CHN2: variants seen among roughly 807,000 people sequenced by gnomAD.
CHN2 encodes the protein beta-chimaerin.
CHN2 carries 35 observed loss-of-function variants against 56.3 expected under a neutral mutation model. The observed-to-expected ratio is 0.62, with a 90% CI of 0.47 to 0.82. CHN2 has a LOEUF of 0.82. Among genes scored for constraint, CHN2 ranks in the 40% least tolerant of loss-of-function variants. The pLI, the probability that CHN2 is intolerant of heterozygous loss-of-function variation, is 0.00. For missense variants in CHN2, 491 were observed against 580.5 expected (o/e 0.85, Z 1.58); for synonymous variants, 210 against 212.8 (o/e 0.99, Z 0.12).
intron 1 of CHN2, among the ~76,000 whole-genome samples, chr7:29,301,073 A>G (rs552251258): frequency 5.3e-5 from 8 of 152,252 alleles, no homozygotes; most frequent in African/African-American, 7.2e-5. Context: ...AAATTTGTCA[A>G]TTGTTTTGAA....
intron 1 of CHN2, among the ~76,000 whole-genome samples, chr7:29,279,629 C>G (rs79221694): frequency 0.02 from 2,985 of 152,226 alleles, 103 homozygotes; most frequent in African/African-American, 0.069. Flanking sequence ...TCAGGGAACT[C>G]AGGGAATGGG....
chr7:29,356,781 G>A lies in CHN2; in HGVS notation c.88+2118G>A, dbSNP rs117512214. The stretch of plus-strand genomic sequence containing the variant: ...TTCCGATCTTCTACTTTGAAAGGCC[G>A]TGCTAATGACTTAGTACTTGGATGT... On this transcript the variant is annotated intron_variant, in intron 2 of 12. Transcript: ENST00000222792. Among the ~76,000 whole-genome samples the A allele has an allele frequency of 1.4e-3, 214 of 152,250 alleles. 2 individuals are homozygous for A. The East Asian group carries it at 0.036, about 26-fold the overall frequency.
chr7:29,306,320 A>G (rs1264851083), intron 1 of CHN2, among the ~76,000 whole-genome samples: 1 of 152,210 alleles, frequency 6.6e-6, no homozygotes, highest in Admixed American at 6.5e-5. Flanking sequence ...AGCATTTGCT[A>G]GGAAGTTAAT....
chr7:29,200,522 G>A (rs139681972), intron 1 of CHN2, among the ~76,000 whole-genome samples: 15 of 129,296 alleles, frequency 1.2e-4, no homozygotes, highest in African/African-American at 4.2e-4. Flanking sequence ...TTGTTGGTCA[G>A]ATTTCTATTT....
intron 1 of CHN2, 32 bp from the exon 2 acceptor site, chr7:29,354,593 A>C (rs1399243341): frequency 6.3e-7 from 1 of 1,585,314 alleles, no homozygotes; most frequent in Non-Finnish European, 8.6e-7. Flanking sequence ...GTTCAGGCTG[A>C]TGATGGATTT....
chr7:29,445,202 G>C (rs1783945469), intron 6 of CHN2: 2 of 455,542 alleles, frequency 4.4e-6, no homozygotes, highest in Non-Finnish European at 8.8e-6. Flanking sequence ...CACAGAATAA[G>C]TAAGAGTCCC....
At chr7:29,278,958 G>C (rs540498274) in intron 1 of CHN2, among the ~76,000 whole-genome samples, 7 of 151,294 alleles carry the variant, frequency 4.6e-5, no homozygotes, top group Non-Finnish European at 8.8e-5. Flanking sequence ...CCCCAGGCCT[G>C]TCTCCCTCCA....
chr7:29,348,568 G>A (rs1370880312), intron 1 of CHN2, among the ~76,000 whole-genome samples: 1 of 152,112 alleles, frequency 6.6e-6, no homozygotes, highest in East Asian at 1.9e-4. Context: ...TTGTTTCACA[G>A]AATTTTTAAA....
intron 1 of CHN2, among the ~76,000 whole-genome samples, chr7:29,323,131 G>A (rs1208743617): frequency 6.6e-6 from 1 of 152,044 alleles, no homozygotes; most frequent in Non-Finnish European, 1.5e-5. Context: ...CTCCAGCCTG[G>A]CCAGAGAGTG....
At chr7:29,414,635 G>A (rs1803550089) in intron 6 of CHN2, among the ~76,000 whole-genome samples, 2 of 152,090 alleles carry the variant, frequency 1.3e-5, no homozygotes, top group Non-Finnish European at 2.9e-5. Flanking sequence ...TGGCATGCAA[G>A]GCCTTTTCTG....
intron 6 of CHN2, among the ~76,000 whole-genome samples, chr7:29,447,252 A>G (rs1784096473): frequency 6.6e-6 from 1 of 152,330 alleles, no homozygotes; most frequent in East Asian, 1.9e-4. Context: ...ATGTTGAGAC[A>G]TGGACCATAT....
At position 29,430,751 on chromosome 7, in the gene CHN2, G is replaced by A. The variant is rs542673922; in HGVS notation, c.576+29923G>A. 2.4e-4 allele frequency among the ~76,000 whole-genome samples: 36 copies of A among 147,070 alleles called. 1 individual carries two copies. Among genetic ancestry groups the A allele is most frequent in the African/African-American group, 8.5e-4 (34 of 39,808 alleles). On this transcript the variant is annotated intron_variant, in intron 6 of 12. Coordinates refer to ENST00000222792, the MANE Select transcript of CHN2 (RefSeq NM_004067.4). ...AAGCTTAACTTAACAGAGGCATCAC[G>A]TGACAATGTCCTAAGCAGAGGGTAA...
At chr7:29,442,375 G>A (rs1204047751) in intron 6 of CHN2, among the ~76,000 whole-genome samples, 1 of 152,142 alleles carries the variant, frequency 6.6e-6, no homozygotes, top group African/African-American at 2.4e-5. Flanking sequence ...AACCAAATAG[G>A]ATTAGGCTGC....
At chr7:29,155,881 A>T (rs921029381) in intron 2 of CHN2, among the ~76,000 whole-genome samples, 1 of 152,042 alleles carries the variant, frequency 6.6e-6, no homozygotes, top group Non-Finnish European at 1.5e-5. Context: ...ACCACATCGG[A>T]GCGTCCTGTC....
At chr7:29,149,329 A>G (rs1793258659) in intron 2 of CHN2, among the ~76,000 whole-genome samples, 1 of 150,404 alleles carries the variant, frequency 6.6e-6, no homozygotes, top group Non-Finnish European at 1.5e-5. Context: ...GTAAGCTGGG[A>G]CTACAAGCAC....
chr7:29,150,832 G>A lies in CHN2; in HGVS notation c.274+3872G>A, dbSNP rs372238442. Among the ~76,000 whole-genome samples, 7 of 152,232 alleles carry A rather than the reference G, an allele frequency of 4.6e-5. No homozygotes were observed. The East Asian group carries it at 5.8e-4, about 13-fold the overall frequency. On this transcript the variant is annotated intron_variant, in intron 2 of 6. Coordinates refer to the CHN2 transcript ENST00000439384. ...TGGAAACACAGCTCAGAGGCACAGC[G>A]AAAAGAGAAATGTCACAGCCCCCAT... is the stretch of plus-strand genomic sequence containing the variant.
intron 3 of CHN2, among the ~76,000 whole-genome samples, chr7:29,373,336 C>T (rs1799771166): frequency 6.6e-6 from 1 of 152,066 alleles, no homozygotes; most frequent in African/African-American, 2.4e-5. Flanking sequence ...CCCACTGCAC[C>T]TGGCTCATTT....
At chr7:29,340,401 G>C (rs570387832) in intron 1 of CHN2, among the ~76,000 whole-genome samples, 22 of 87,728 alleles carry the variant, frequency 2.5e-4, no homozygotes, top group East Asian at 5.7e-4. Context: ...GGGTTGCTTG[G>C]GGGGGGGCCT....
intron 1 of CHN2, chr7:29,208,823 G>A (rs1280323937): frequency 6.6e-6 from 1 of 152,220 alleles, no homozygotes; most frequent in Non-Finnish European, 1.5e-5. Flanking sequence ...CGTGGTTGTA[G>A]ACACTGCAGT....
Sources: gnomAD v4.1 joint callset for allele counts (sites outside exome capture counted in the v4.1 genomes callset) on GRCh38, gnomAD v4.1.1 for gene constraint, MANE v1.5 for transcripts, NCBI Gene and HGNC (gene_info 2026-07-23, HGNC 2026-07-21) for gene names.